Variants in PIGM observed in about 807,000 individuals in gnomAD.
PIGM encodes the protein GPI alpha-1,4-mannosyltransferase I, catalytic subunit.
In PIGM, 7 loss-of-function variants were observed where a neutral mutation model predicts 14.6. The ratio of observed to expected loss-of-function variants is 0.48; its 90% confidence interval spans 0.27 to 0.90. The LOEUF (loss-of-function observed/expected upper bound fraction) is 0.90. Among genes scored for constraint, PIGM ranks in the 40% least tolerant of loss-of-function variants. PIGM has a pLI of 0.12. For synonymous variants in PIGM, 216 were observed against 215.9 expected (o/e 1.00, Z 0.00); for missense variants, 506 against 516.2 (o/e 0.98, Z 0.19).
At position 160,031,290 on chromosome 1, in the gene PIGM, G is replaced by T. The variant is rs1437719678; in HGVS notation, c.450C>A (p.Val150=). The T allele has an allele frequency of 6.2e-7, 1 of 1,614,090 alleles. No individual in the cohort carries two copies. The highest frequency in any genetic ancestry group is 2.2e-5 in the East Asian group (1 of 44,888). ...AGAGGACCATCAGGACCAGGGAGGCGACAATAGAGTCCGCATTACCGCGGC... is the reference window on the plus strand; with the variant it reads ...AGAGGACCATCAGGACCAGGGAGGCTACAATAGAGTCCGCATTACCGCGGC... ...VSSRGNADSI[V]ASLVLMVLYL... is the part of the protein sequence containing the mutation. The change falls in exon 1 of 1, where the codon GTC becomes GTA. Residue 150 remains valine (V), a synonymous_variant. Transcript: ENST00000368090.
chr1:160,031,085 G>A lies in PIGM; in HGVS notation c.655C>T (p.Leu219=). 2.5e-6 allele frequency: 4 copies of A among 1,614,164 alleles called. No homozygotes were observed. Among genetic ancestry groups the A allele is most frequent in the Non-Finnish European group, 3.4e-6 (4 of 1,180,016 alleles). Residue 219 remains leucine (L), a synonymous_variant, in exon 1 of 1, where the codon CTG becomes TTG. Transcript: ENST00000368090. Reference sequence around the variant, plus strand: ...ACAGCCCGATTACACAGCCTTTTCAGGAGCTCGTACAAACAAGCCTGGAAA... The same window carrying A: ...ACAGCCCGATTACACAGCCTTTTCAAGAGCTCGTACAAACAAGCCTGGAAA... ...YTFQACLYEL[L]KRLCNRAVLL...
In PIGM at chr1:160,030,735, G is replaced by A; in HGVS notation, c.1005C>T (p.Tyr335=). Residue 335 remains tyrosine, a synonymous_variant, in exon 1 of 1, where the codon TAC becomes TAT. Transcript: ENST00000368090. ...VTFNKVCTSQ[Y]FLWYLCLLPL... ...GCAGTAAGCAGAGGTACCAAAGAAAGTACTGGGAGGTGCAGACTTTGTTAA... is the reference window on the plus strand; with the variant it reads ...GCAGTAAGCAGAGGTACCAAAGAAAATACTGGGAGGTGCAGACTTTGTTAA... 1 of 1,614,178 alleles carries A rather than the reference G, an allele frequency of 6.2e-7. No homozygotes were observed. Among genetic ancestry groups the A allele is most frequent in the Non-Finnish European group, 8.5e-7 (1 of 1,180,010 alleles).
Position 160,030,966 on chromosome 1 carries a change from G to A in PIGM, c.774C>T (p.Tyr258=). 1 of 1,614,178 alleles carries A rather than the reference G, an allele frequency of 6.2e-7. No individual in the cohort carries two copies. Among genetic ancestry groups the A allele is most frequent in the South Asian group, 1.1e-5 (1 of 91,080 alleles). The change falls in exon 1 of 1, where the codon TAC becomes TAT. Residue 258 remains tyrosine, a synonymous_variant. Transcript: ENST00000368090. ...TATCCCGCCTAGTCAGGTGATAAAAGTAGGTGTGTTCCAAAAATTCCCAGC... is the reference window on the plus strand; with the variant it reads ...TATCCCGCCTAGTCAGGTGATAAAAATAGGTGTGTTCCAAAAATTCCCAGC... ...EYGWEFLEHT[Y]FYHLTRRDIR...
chr1:160,031,426 A>G lies in PIGM; in HGVS notation c.314T>C (p.Leu105Pro), dbSNP rs1223468977. The G allele has an allele frequency of 6.2e-7, 1 of 1,610,732 alleles. No individual in the cohort carries two copies. Among genetic ancestry groups the G allele is most frequent in the Admixed American group, 1.7e-5 (1 of 59,928 alleles). ...GKFLFISCDLLTAFLLYRLLL... is the reference protein window; with the variant it reads ...GKFLFISCDLPTAFLLYRLLL... ...CAGGCGGTATAAGAGGAAAGCGGTG[A>G]GGAGGTCGCAGCTGATGAAGAGAAA... Residue 105 changes from leucine to proline, a missense_variant, in exon 1 of 1, where the codon CTC becomes CCC. By Grantham distance (98) the Leu-to-Pro change is moderately conservative. Coordinates refer to ENST00000368090, the MANE Select transcript of PIGM (RefSeq NM_145167.3).
rs1274559178 is a variant in PIGM at position 160,027,013 on chromosome 1, A to G, written c.*3455T>C. 6.6e-6 allele frequency: 1 copy of G among 151,012 alleles called. No individual in the cohort carries two copies. The highest frequency in any genetic ancestry group is 1.5e-5 in the Non-Finnish European group (1 of 67,832). 9.4% of individuals were successfully genotyped at this position (151,012 alleles called of 1,614,324 possible). On this transcript the variant is annotated 3_prime_UTR_variant, in exon 1 of 1. Coordinates refer to ENST00000368090, the MANE Select transcript of PIGM (RefSeq NM_145167.3). ...TTTTTTTTGTACAGATGGGGGTCTC[A>G]CTATGTTGTCCAGGCTGGTCTCAAA...
rs1648314335 is a variant in PIGM at position 160,031,035 on chromosome 1, T to C, written c.705A>G (p.Gly235=). The C allele has an allele frequency of 6.2e-7, 1 of 1,613,820 alleles. No homozygotes were observed. ...RAVLLFVAVA[G]LTFFALSFGF... is the part of the protein sequence containing the mutation. ...CAAAGCTCAGGGCAAAAAACGTGAGTCCAGCAACTGCTACAAACAGCAGCA... is the reference window on the plus strand; with the variant it reads ...CAAAGCTCAGGGCAAAAAACGTGAGCCCAGCAACTGCTACAAACAGCAGCA... Residue 235 remains glycine, a synonymous_variant, in exon 1 of 1, where the codon GGA becomes GGG. Transcript: ENST00000368090.
In PIGM at chr1:160,028,978, C is replaced by T. The variant is rs1648243961; in HGVS notation, c.*1490G>A. The T allele has an allele frequency of 6.6e-6, 1 of 152,142 alleles. No individual in the cohort carries two copies. The highest frequency in any genetic ancestry group is 2.1e-4 in the South Asian group (1 of 4,828). The allele number at this position is 152,142 out of a possible 1,614,324, so 9.4% of individuals were successfully genotyped here. On this transcript the variant is annotated 3_prime_UTR_variant, in exon 1 of 1. Transcript: ENST00000368090. ...TTATGCTTTTCAGGAGTTTCCCTCA[C>T]AGGTCTGCATTTCTATCATGGAATT...
At position 160,026,881 on chromosome 1, in the gene PIGM, C is replaced by T. The variant is rs568935009; in HGVS notation, c.*3587G>A. On this transcript the variant is annotated 3_prime_UTR_variant, in exon 1 of 1. Transcript: ENST00000368090. ...TGTTTGTTTTAGAGGCAAGGTGTTG[C>T]TCTGTCACCCAGGCTGGAGTGCAGT... The T allele has an allele frequency of 6.6e-6, 1 of 151,906 alleles. No individual in the cohort carries two copies. The highest frequency in any genetic ancestry group is 2.4e-5 in the African/African-American group (1 of 41,372). The allele number at this position is 151,906 out of a possible 1,614,324, so 9.4% of individuals were successfully genotyped here.
In PIGM at chr1:160,030,986, CCCA is replaced by C. The variant is rs1193877451; in HGVS notation, c.751_753del (p.Trp251del). ...TAAAAGTAGGTGTGTTCCAAAAATT[CCCA>C]GCCGTACTCATAGTAAAAACCAAAG... On this transcript the variant is annotated inframe_deletion, in exon 1 of 1. Transcript: ENST00000368090. 1 of 1,614,112 alleles carries C rather than the reference CCCA, an allele frequency of 6.2e-7. No homozygotes were observed. Among genetic ancestry groups the C allele is most frequent in the East Asian group, 2.2e-5 (1 of 44,882 alleles).
Position 160,025,211 on chromosome 1 carries a change from A to G in PIGM, c.*5257T>C, listed in dbSNP as rs191831590. 2.7e-4 allele frequency: 41 copies of G among 152,344 alleles called. No homozygotes were observed. The highest frequency in any genetic ancestry group is 9.1e-4 in the African/African-American group (38 of 41,588). 9.4% of individuals were successfully genotyped at this position (152,344 alleles called of 1,614,324 possible). A position where few individuals can be genotyped will look rare whatever the true frequency, so the allele number is the denominator to read the frequency against. On this transcript the variant is annotated 3_prime_UTR_variant, in exon 1 of 1. Coordinates refer to ENST00000368090, the MANE Select transcript of PIGM (RefSeq NM_145167.3). ...TCACTTAATCCTTACCAACAATTCTATGAAGATTGTGCTATCATTCCCATT... is the reference window on the plus strand; with the variant it reads ...TCACTTAATCCTTACCAACAATTCTGTGAAGATTGTGCTATCATTCCCATT...
chr1:160,031,249 CT>C lies in PIGM; in HGVS notation c.490del (p.Arg164AspfsTer16). On this transcript the variant is annotated frameshift_variant, in exon 1 of 1. Coordinates refer to ENST00000368090, the MANE Select transcript of PIGM (RefSeq NM_145167.3). LOFTEE classifies it low-confidence loss of function (END_TRUNC). ...GAATACAGCTGCACACGCGACGAGT[CT>C]TTTCTTTATCAAGTAGAGGACCATC... ...VLMVLYLIKK[R>X]LVACAAVFYG... The C allele has an allele frequency of 6.2e-7, 1 of 1,614,146 alleles. No individual in the cohort carries two copies. Among genetic ancestry groups the C allele is most frequent in the Non-Finnish European group, 8.5e-7 (1 of 1,180,032 alleles).
rs1440224213 is a variant in PIGM, at chr1:160,026,571, T to G, written c.*3897A>C. On this transcript the variant is annotated 3_prime_UTR_variant, in exon 1 of 1. Transcript: ENST00000368090. The stretch of plus-strand genomic sequence containing the variant: ...AATAGTTAGGTCAGGCGGGGTGCAG[T>G]GGCTCACGCCTGGAATCCCAACACT... 6.6e-6 allele frequency: 1 copy of G among 152,224 alleles called. No homozygotes were observed. The highest frequency in any genetic ancestry group is 2.1e-4 in the South Asian group (1 of 4,836). The allele number at this position is 152,224 out of a possible 1,614,324, so 9.4% of individuals were successfully genotyped here.
Position 160,030,960 on chromosome 1 carries a change from A to G in PIGM, c.780T>C (p.Tyr260=), listed in dbSNP as rs1648311505. 6.2e-7 allele frequency: 1 copy of G among 1,614,182 alleles called. No homozygotes were observed. The change falls in exon 1 of 1, where the codon TAT becomes TAC. Residue 260 remains tyrosine (Y), a synonymous_variant. Coordinates refer to ENST00000368090, the MANE Select transcript of PIGM (RefSeq NM_145167.3). ...GWEFLEHTYF[Y]HLTRRDIRHN... The stretch of plus-strand genomic sequence containing the variant: ...GACGGATATCCCGCCTAGTCAGGTG[A>G]TAAAAGTAGGTGTGTTCCAAAAATT...
In PIGM at chr1:160,030,290, G is replaced by A; in HGVS notation, c.*178C>T. The A allele has an allele frequency of 1.6e-6, 1 of 636,792 alleles. No homozygotes were observed. The highest frequency in any genetic ancestry group is 2.8e-5 in the East Asian group (1 of 35,830). 39.4% of individuals were successfully genotyped at this position (636,792 alleles called of 1,614,324 possible). Reference sequence around the variant, plus strand: ...GAGTCCTAGGATTTCCTAGAAGGTGGACCTCAATTATTGTGTCCCTTTTAT... The same window carrying A: ...GAGTCCTAGGATTTCCTAGAAGGTGAACCTCAATTATTGTGTCCCTTTTAT... On this transcript the variant is annotated 3_prime_UTR_variant, in exon 1 of 1. Coordinates refer to ENST00000368090, the MANE Select transcript of PIGM (RefSeq NM_145167.3).
Position 160,031,110 on chromosome 1 carries a change from A to T in PIGM, c.630T>A (p.Thr210=), listed in dbSNP as rs1648319647. 7 of 1,614,030 alleles carry T rather than the reference A, an allele frequency of 4.3e-6. No individual in the cohort carries two copies. The highest frequency in any genetic ancestry group is 5.9e-6 in the Non-Finnish European group (7 of 1,179,930). The change falls in exon 1 of 1, where the codon ACT becomes ACA. Residue 210 remains threonine (T), a synonymous_variant. Coordinates refer to ENST00000368090, the MANE Select transcript of PIGM (RefSeq NM_145167.3). ...NDKSLRQFRY[T]FQACLYELLK... is the part of the protein sequence containing the mutation. Reference sequence around the variant, plus strand: ...GGAGCTCGTACAAACAAGCCTGGAAAGTGTACCGGAATTGACGGAGGCTTT... The same window carrying T: ...GGAGCTCGTACAAACAAGCCTGGAATGTGTACCGGAATTGACGGAGGCTTT...
chr1:160,031,966 C>T lies in PIGM; in HGVS notation c.-227G>A. On this transcript the variant is annotated 5_prime_UTR_variant, in exon 1 of 1. Transcript: ENST00000368090. ...GCCGCCCGAGCCAAAAACTTGCCTTCCTCTGGATGGACGGTCTCGCTTCCG... is the reference window on the plus strand; with the variant it reads ...GCCGCCCGAGCCAAAAACTTGCCTTTCTCTGGATGGACGGTCTCGCTTCCG... 3 of 639,098 alleles carry T rather than the reference C, an allele frequency of 4.7e-6. No homozygotes were observed. The allele number at this position is 639,098 out of a possible 1,614,324, so 39.6% of individuals were successfully genotyped here. A position where few individuals can be genotyped will look rare whatever the true frequency, so the allele number is the denominator to read the frequency against.
At position 160,031,127 on chromosome 1, in the gene PIGM, G is replaced by A. The variant is rs376519579; in HGVS notation, c.613C>T (p.Arg205Cys). The change falls in exon 1 of 1, where the codon CGT (arginine) becomes TGT (cysteine). Residue 205 changes from arginine to cysteine, a missense_variant. Coordinates refer to ENST00000368090, the MANE Select transcript of PIGM (RefSeq NM_145167.3). ...GCCTGGAAAGTGTACCGGAATTGAC[G>A]GAGGCTTTTGTCATTGTCGCGATCT... The part of the protein sequence containing the change: ...LPDRDNDKSL[R>C]QFRYTFQACL... The A allele has an allele frequency of 3.5e-5, 56 of 1,613,820 alleles. No individual in the cohort carries two copies. The Middle Eastern group carries it at 4.9e-4, about 14-fold the overall frequency.
At position 160,031,765 on chromosome 1, in the gene PIGM, G is replaced by A. The variant is rs2101920400; in HGVS notation, c.-26C>T. The A allele has an allele frequency of 6.2e-7, 1 of 1,613,592 alleles. No individual in the cohort carries two copies. Among genetic ancestry groups the A allele is most frequent in the Non-Finnish European group, 8.5e-7 (1 of 1,179,884 alleles). ...GATCTGACCGTGCGACAGCTGCTTA[G>A]CCCCAGCTCCAAACTGCCTTCGTAC... On this transcript the variant is annotated 5_prime_UTR_variant, in exon 1 of 1. Coordinates refer to ENST00000368090, the MANE Select transcript of PIGM (RefSeq NM_145167.3).
rs57645641 is a variant in PIGM, at chr1:160,029,777, CTTTT to C, written c.*687_*690del. 8.4e-5 allele frequency: 7 copies of C among 83,528 alleles called. No individual in the cohort carries two copies. Among genetic ancestry groups the C allele is most frequent in the Admixed American group, 1.8e-4 (1 of 5,512 alleles). The allele number at this position is 83,528 out of a possible 1,614,324, so 5.2% of individuals were successfully genotyped here. On this transcript the variant is annotated 3_prime_UTR_variant, in exon 1 of 1. Transcript: ENST00000368090. Reference sequence around the variant, plus strand: ...TTTCTATCTAAAAAGTTGTCCTTTCCTTTTTTTTTTTTTTTTTTTTTTTGAGACA... The same window carrying C: ...TTTCTATCTAAAAAGTTGTCCTTTCCTTTTTTTTTTTTTTTTTTTGAGACA...
Sources: gnomAD v4.1 joint callset for allele counts on GRCh38, gnomAD v4.1.1 for gene constraint, MANE v1.5 for transcripts, NCBI Gene and HGNC (gene_info 2026-07-23, HGNC 2026-07-21) for gene names.